ZFHX4: variants seen among roughly 807,000 people sequenced by gnomAD.
ZFHX4 encodes the protein zinc finger homeobox protein 4.
In ZFHX4, 56 loss-of-function variants were observed where a neutral mutation model predicts 267.6. That is an observed-to-expected ratio of 0.21 (90% CI 0.17 to 0.26). The LOEUF is 0.26. Among genes scored for constraint, ZFHX4 ranks in the 10% least tolerant of loss-of-function variants. The pLI, the probability that ZFHX4 is intolerant of heterozygous loss-of-function variation, is 1.00. For synonymous variants in ZFHX4, 1,778 were observed against 1,665.6 expected, an observed-to-expected ratio of 1.07 and a Z score of -1.64; for missense variants, 4,332 against 4,420.0, an observed-to-expected ratio of 0.98 and a Z score of 0.56.
At chr8:76,737,583 A>G (rs1322002046) in intron 3 of ZFHX4, among the ~76,000 whole-genome samples, 2 of 152,186 alleles carry the variant, frequency 1.3e-5, no homozygotes, top group Non-Finnish European at 2.9e-5. Context: ...CAAGTTACTT[A>G]ACCTCTCTAA....
At chr8:76,764,698 C>T (rs1219433148) in intron 3 of ZFHX4, among the ~76,000 whole-genome samples, 4 of 152,188 alleles carry the variant, frequency 2.6e-5, no homozygotes, top group Non-Finnish European at 4.4e-5. Flanking sequence ...CGTACATTTT[C>T]ACTCCAGCTG....
At position 76,863,831 on chromosome 8, in the gene ZFHX4, G is replaced by A. The variant is rs1812947468; in HGVS notation, c.10117G>A (p.Ala3373Thr). 5 of 1,553,004 alleles carry A rather than the reference G, an allele frequency of 3.2e-6. No individual in the cohort carries two copies. The highest frequency in any genetic ancestry group is 3.5e-6 in the Non-Finnish European group (4 of 1,147,580). ...AGAAACAAAGGAAGACAAAAGTACT[G>A]CTACAGAAAGCACAAAAGAAGAACC... is the stretch of plus-strand genomic sequence containing the variant. Reference protein sequence around the residue: ...ASETKEDKSTATESTKEEPQL... With the variant: ...ASETKEDKSTTTESTKEEPQL... The change falls in exon 11 of 11, where the codon GCT (alanine) becomes ACT (threonine). Residue 3373 changes from alanine to threonine, a missense_variant. This residue lies in a region of ZFHX4 where 1,648 missense variants were observed against 1,625.0 expected (regional missense o/e 1.01). Transcript: ENST00000651372.
At chr8:76,777,919 A>G (rs1234672024) in intron 3 of ZFHX4, among the ~76,000 whole-genome samples, 7 of 144,114 alleles carry the variant, frequency 4.9e-5, no homozygotes, top group Admixed American at 2.8e-4. Flanking sequence ...AGTTAACTGT[A>G]TAAGAAGACT....
intron 3 of ZFHX4, among the ~76,000 whole-genome samples, chr8:76,741,642 G>T (rs992214841): frequency 6.6e-6 from 1 of 152,170 alleles, no homozygotes. Flanking sequence ...AACAAAGAAA[G>T]GTGCCCTGCA....
At chr8:76,714,871 G>A (rs558673912) in intron 3 of ZFHX4, among the ~76,000 whole-genome samples, 10 of 152,030 alleles carry the variant, frequency 6.6e-5, no homozygotes, top group Non-Finnish European at 1.5e-4. Flanking sequence ...TAGATGTCGG[G>A]GACATTAAAG....
chr8:76,691,675 T>C (rs908224726), intron 1 of ZFHX4, among the ~76,000 whole-genome samples: 2 of 152,154 alleles, frequency 1.3e-5, no homozygotes, highest in African/African-American at 4.8e-5. Context: ...ATTTCTGTTA[T>C]GGGTGCCCTT....
intron 3 of ZFHX4, among the ~76,000 whole-genome samples, chr8:76,717,096 CTT>C: frequency 6.6e-6 from 1 of 152,302 alleles, no homozygotes; most frequent in Non-Finnish European, 1.5e-5. Context: ...ACCTGAGTCT[CTT>C]TCTCCTTCTC....
intron 6 of ZFHX4, among the ~76,000 whole-genome samples, chr8:76,845,256 A>C (rs1812336066): frequency 6.6e-6 from 1 of 152,106 alleles, no homozygotes; most frequent in African/African-American, 2.4e-5. Context: ...CTAATGCTTC[A>C]TTTATATTGT....
intron 3 of ZFHX4, among the ~76,000 whole-genome samples, chr8:76,763,273 G>A (rs1809965097): frequency 6.6e-6 from 1 of 152,100 alleles, no homozygotes; most frequent in Non-Finnish European, 1.5e-5. Context: ...ACTCTTCAGC[G>A]ATAAGGACCT....
chr8:76,801,956 G>T (rs1413144763), intron 4 of ZFHX4, among the ~76,000 whole-genome samples: 1 of 152,150 alleles, frequency 6.6e-6, no homozygotes, highest in Non-Finnish European at 1.5e-5. Context: ...AGGAAAAGCA[G>T]TGCAATTTTC....
intron 3 of ZFHX4, among the ~76,000 whole-genome samples, chr8:76,767,045 GT>G (rs1810070202): frequency 1.5e-5 from 1 of 66,764 alleles, no homozygotes; most frequent in African/African-American, 1.9e-4. Context: ...TCATAAAGGG[GT>G]GTGTGTGTGT....
chr8:76,728,675 T>A (rs1318497128), intron 3 of ZFHX4, among the ~76,000 whole-genome samples: 1 of 152,190 alleles, frequency 6.6e-6, no homozygotes, highest in East Asian at 1.9e-4. Context: ...CTGACACTAT[T>A]AGGCCATCAA....
In ZFHX4 at chr8:76,707,609, C is replaced by A. The variant is rs1306610171; in HGVS notation, c.2654C>A (p.Ser885Tyr). 1 of 1,613,652 alleles carries A rather than the reference C, an allele frequency of 6.2e-7. No homozygotes were observed. Among genetic ancestry groups the A allele is most frequent in the Admixed American group, 1.7e-5 (1 of 59,996 alleles). Residue 885 changes from serine (S) to tyrosine (Y), a missense_variant, in exon 3 of 11, where the codon TCC becomes TAC. By Grantham distance (144) the Ser-to-Tyr change is moderately radical. Around this residue, in one of 7 missense-constraint regions of ZFHX4, gnomAD observed 1,195 missense variants for 1,173.6 expected, o/e 1.02. Transcript: ENST00000651372. ...GGTCAGCTAATGGGTGATGACCTGT[C>A]CCTCCTTACTGCAGGAGAGCTGTCA... ...ASGQLMGDDL[S>Y]LLTAGELSPY...
At chr8:76,718,725 A>G (rs1808641711) in intron 3 of ZFHX4, among the ~76,000 whole-genome samples, 1 of 152,122 alleles carries the variant, frequency 6.6e-6, no homozygotes, top group South Asian at 2.1e-4. Context: ...TTTAAGTCAC[A>G]AAATGAGAAA....
intron 3 of ZFHX4, among the ~76,000 whole-genome samples, chr8:76,754,595 T>C (rs1236169219): frequency 6.6e-6 from 1 of 152,162 alleles, no homozygotes; most frequent in African/African-American, 2.4e-5. Flanking sequence ...TACCTATTTA[T>C]AGGATATAGA....
rs144415595 is a variant in ZFHX4, at chr8:76,735,639, T to C, written c.3093+27591T>C. Reference sequence around the variant, plus strand: ...TGGAATATGAACAAGACAGTGTTTATTGTAGTCAGAAAAATTGTTGGCATG... The same window carrying C: ...TGGAATATGAACAAGACAGTGTTTACTGTAGTCAGAAAAATTGTTGGCATG... On this transcript the variant is annotated intron_variant, in intron 3 of 10. Coordinates refer to ENST00000651372, the MANE Select transcript of ZFHX4 (RefSeq NM_024721.5). 8.0e-4 allele frequency among the ~76,000 whole-genome samples: 122 copies of C among 152,248 alleles called. No individual in the cohort carries two copies. The East Asian group carries it at 0.019, about 24-fold the overall frequency.
At position 76,743,474 on chromosome 8, in the gene ZFHX4, A is replaced by T. The variant is rs187462648; in HGVS notation, c.3094-34734A>T. Among the ~76,000 whole-genome samples the T allele has an allele frequency of 3.2e-4, 48 of 152,336 alleles. 1 individual carries two copies. The highest frequency in any genetic ancestry group is 9.8e-4 in the Admixed American group (15 of 15,296). On this transcript the variant is annotated intron_variant, in intron 3 of 10. Transcript: ENST00000651372. ...TTAAATTGAGTGTATTTGGGGACAC[A>T]TGAAATTCAATGATGGTCAACTGAA...
chr8:76,786,139 G>C (rs765730907), intron 4 of ZFHX4, among the ~76,000 whole-genome samples: 77 of 151,970 alleles, frequency 5.1e-4, no homozygotes, highest in Non-Finnish European at 8.8e-4. Flanking sequence ...CATTTGAAAA[G>C]CAGTCTAACT....
chr8:76,729,625 G>A (rs1585888873), intron 3 of ZFHX4, among the ~76,000 whole-genome samples: 1 of 152,236 alleles, frequency 6.6e-6, no homozygotes, highest in East Asian at 1.9e-4. Flanking sequence ...CTCTTACAGT[G>A]GTCCTGGGAT....
Sources: allele counts gnomAD v4.1 joint callset (sites outside exome capture counted in the v4.1 genomes callset), GRCh38; gene constraint gnomAD v4.1.1; regional missense constraint gnomAD v4.1.1; transcripts MANE v1.5; gene names NCBI Gene and HGNC (gene_info 2026-07-23, HGNC 2026-07-21).